The following FAT4 variants were observed in gnomAD, a reference collection of about 807,000 sequenced individuals.
FAT4 encodes FAT atypical cadherin 4.
FAT4 carries 84 observed loss-of-function variants against 303.9 expected under a neutral mutation model. That is an observed-to-expected ratio of 0.28 (90% CI 0.23 to 0.33). The LOEUF is 0.33. Among genes scored for constraint, FAT4 ranks in the 10% least tolerant of loss-of-function variants. FAT4 has a pLI of 1.00. For missense variants in FAT4, 6,005 were observed against 6,146.8 expected, an observed-to-expected ratio of 0.98 and a Z score of 0.77; for synonymous variants, 2,307 against 2,298.8, an observed-to-expected ratio of 1.00 and a Z score of -0.10.
At chr4:125,447,515 A>T (rs974678554) in intron 9 of FAT4, among the ~76,000 whole-genome samples, 1 of 152,150 alleles carries the variant, frequency 6.6e-6, no homozygotes, top group Non-Finnish European at 1.5e-5. Context: ...GCATGGTTCT[A>T]ATTACATCCA....
chr4:125,334,449 A>G (rs1421799686), intron 2 of FAT4, among the ~76,000 whole-genome samples: 2 of 152,062 alleles, frequency 1.3e-5, no homozygotes, highest in South Asian at 2.1e-4. Context: ...CTGCTTCTAA[A>G]TCCTTTGCAC....
At chr4:125,356,551 T>TG in intron 2 of FAT4, among the ~76,000 whole-genome samples, 1 of 33,454 alleles carries the variant, frequency 3.0e-5, no homozygotes, top group Non-Finnish European at 6.6e-5. Context: ...TGTTTTTTGT[T>TG]TTTTTTTTTT....
At chr4:125,384,987 CAT>C (rs200721392) in intron 2 of FAT4, among the ~76,000 whole-genome samples, 18 of 138,256 alleles carry the variant, frequency 1.3e-4, no homozygotes, top group South Asian at 4.5e-4. Flanking sequence ...GAAACACACA[CAT>C]ATATATATAT....
At chr4:125,322,056 CCAGGA>C (rs1417842652) in intron 2 of FAT4, among the ~76,000 whole-genome samples, 3 of 152,152 alleles carry the variant, frequency 2.0e-5, no homozygotes, top group African/African-American at 7.2e-5. Flanking sequence ...ACAGTGTACA[CCAGGA>C]CAGTATTAAC....
intron 8 of FAT4, 126 bp downstream of exon 8, chr4:125,434,551 T>A: frequency 1.4e-6 from 1 of 713,010 alleles, no homozygotes; most frequent in Non-Finnish European, 2.3e-6. Context: ...TTGTTATCCA[T>A]TGCTGATAGC....
chr4:125,457,031 A>G (rs946153544), intron 10 of FAT4, among the ~76,000 whole-genome samples: 1 of 151,966 alleles, frequency 6.6e-6, no homozygotes, highest in Non-Finnish European at 1.5e-5. Flanking sequence ...TAGGTTTCAA[A>G]GTCTGTGAAA....
At position 125,416,522 on chromosome 4, in the gene FAT4, T is replaced by A; in HGVS notation, c.6918T>A (p.Asn2306Lys). The A allele has an allele frequency of 6.2e-7, 1 of 1,614,042 alleles. No individual in the cohort carries two copies. The change falls in exon 7 of 18, where the codon AAT becomes AAA. Residue 2306 changes from asparagine (N) to lysine (K), a missense_variant. Transcript: ENST00000394329. Reference protein sequence around the residue: ...SYVLFGGNEDNAFTLSASGEL... With the variant: ...SYVLFGGNEDKAFTLSASGEL... ...TTCTGTTTGGTGGTAATGAAGACAA[T>A]GCTTTTACTCTCTCAGCCAGTGGAG...
At chr4:125,337,183 G>A (rs528746314) in intron 2 of FAT4, among the ~76,000 whole-genome samples, 17 of 152,130 alleles carry the variant, frequency 1.1e-4, no homozygotes, top group African/African-American at 3.8e-4. Context: ...GTATTTGAAT[G>A]CTGATCTATA....
At chr4:125,485,406 G>A (rs1488341320) in intron 16 of FAT4, among the ~76,000 whole-genome samples, 1 of 151,672 alleles carries the variant, frequency 6.6e-6, no homozygotes, top group Non-Finnish European at 1.5e-5. Context: ...TATTTTAAAA[G>A]TTTTTTATTT....
chr4:125,352,508 CAT>C (rs1175795348), intron 2 of FAT4, among the ~76,000 whole-genome samples: 3 of 151,760 alleles, frequency 2.0e-5, no homozygotes, highest in Non-Finnish European at 4.4e-5. Flanking sequence ...AGGCCACCAA[CAT>C]ATTTGGGAAA....
At chr4:125,473,533 T>C (rs28454704) in intron 12 of FAT4, among the ~76,000 whole-genome samples, 3 of 151,924 alleles carry the variant, frequency 2.0e-5, no homozygotes, top group Admixed American at 1.3e-4. Flanking sequence ...TAGAAAAACA[T>C]TTAGAGATTG....
At chr4:125,447,808 C>A (rs1341911768) in intron 9 of FAT4, among the ~76,000 whole-genome samples, 1 of 152,004 alleles carries the variant, frequency 6.6e-6, no homozygotes, top group African/African-American at 2.4e-5. Context: ...AGTCCATTAT[C>A]CCTCAATTCT....
chr4:125,336,829 T>A (rs960220787), intron 2 of FAT4, among the ~76,000 whole-genome samples: 1 of 80,550 alleles, frequency 1.2e-5, no homozygotes, highest in East Asian at 2.3e-4. Context: ...ATACTATGAC[T>A]ATGAAAACAA....
Position 125,450,125 on chromosome 4 carries a change from G to T in FAT4, c.9115G>T (p.Asp3039Tyr). ...NHLGKFKLDN[D>Y]TGWISVASSL... ...TTTAGGAAAATTTAAGTTGGACAAT[G>T]ATACGGGGTGGATTTCAGTAGCATC... The change falls in exon 10 of 18, where the codon GAT (aspartate) becomes TAT (tyrosine). Residue 3039 changes from aspartate to tyrosine, a missense_variant. Physicochemically the swap from Asp to Tyr is radical, Grantham distance 160. Transcript: ENST00000394329. 1 of 1,613,718 alleles carries T rather than the reference G, an allele frequency of 6.2e-7. No homozygotes were observed. The highest frequency in any genetic ancestry group is 8.5e-7 in the Non-Finnish European group (1 of 1,179,964).
intron 8 of FAT4, among the ~76,000 whole-genome samples, chr4:125,435,571 C>T (rs1392596854): frequency 6.6e-6 from 1 of 152,176 alleles, no homozygotes; most frequent in African/African-American, 2.4e-5. Context: ...TTAAGAAACA[C>T]ATTCAGACCA....
At chr4:125,353,416 C>G (rs565064082) in intron 2 of FAT4, among the ~76,000 whole-genome samples, 100 of 151,614 alleles carry the variant, frequency 6.6e-4, no homozygotes, top group African/African-American at 2.3e-3. Flanking sequence ...ATTATTTTCT[C>G]TTTAGTTTAA....
intron 12 of FAT4, 106 bp downstream of exon 12, chr4:125,468,925 A>C: frequency 2.5e-6 from 3 of 1,207,242 alleles, no homozygotes; most frequent in Non-Finnish European, 3.4e-6. Flanking sequence ...TTAAATGAAC[A>C]CTTTAGTTAT....
intron 2 of FAT4, among the ~76,000 whole-genome samples, chr4:125,380,183 G>A (rs1023110325): frequency 6.6e-5 from 10 of 152,274 alleles, no homozygotes; most frequent in Admixed American, 4.6e-4. Context: ...GTGAGCCACC[G>A]CGCCTGGTGT....
intron 2 of FAT4, among the ~76,000 whole-genome samples, chr4:125,337,421 G>T (rs903170189): frequency 7.2e-5 from 11 of 151,994 alleles, no homozygotes; most frequent in Admixed American, 2.6e-4. Context: ...TAAATGAGAT[G>T]TTAAATTAAC....
Sources: allele counts gnomAD v4.1 joint callset (sites outside exome capture counted in the v4.1 genomes callset), GRCh38; gene constraint gnomAD v4.1.1; transcripts MANE v1.5; gene names NCBI Gene and HGNC (gene_info 2026-07-23, HGNC 2026-07-21).